The following IQGAP2 variants were observed in gnomAD, a reference collection of about 807,000 sequenced individuals.
The protein encoded by IQGAP2 is IQ motif containing GTPase activating protein 2.
In IQGAP2, 173 loss-of-function variants were observed where a neutral mutation model predicts 201.3. The observed-to-expected ratio is 0.86, with a 90% CI of 0.76 to 0.98. The LOEUF (loss-of-function observed/expected upper bound fraction) is 0.98, where lower values mean the gene tolerates loss of function less well. IQGAP2 is among the 50% of genes least tolerant of loss of function. The pLI is 0.00. For missense variants in IQGAP2, 1,687 were observed against 1,864.8 expected, an observed-to-expected ratio of 0.90 and a Z score of 1.76; for synonymous variants, 675 against 673.9, an observed-to-expected ratio of 1.00 and a Z score of -0.03.
chr5:76,694,610 A>T (rs931562185), intron 31 of IQGAP2, among the ~76,000 whole-genome samples: 3 of 152,210 alleles, frequency 2.0e-5, no homozygotes, highest in African/African-American at 7.2e-5. Flanking sequence ...AAGTGGGTAC[A>T]TCTGTATCTG....
At chr5:76,612,016 T>G (rs554977280) in intron 13 of IQGAP2, among the ~76,000 whole-genome samples, 1 of 152,210 alleles carries the variant, frequency 6.6e-6, no homozygotes. Flanking sequence ...ACATCCTTGG[T>G]TAATGCAAAC....
chr5:76,508,680 T>G (rs577610987), intron 2 of IQGAP2, among the ~76,000 whole-genome samples: 155 of 145,222 alleles, frequency 1.1e-3, no homozygotes, highest in African/African-American at 3.9e-3. Context: ...CTGTCTCTGG[T>G]TTTTTTTTTG....
intron 3 of IQGAP2, among the ~76,000 whole-genome samples, chr5:76,567,463 G>A (rs1027070055): frequency 4.6e-5 from 7 of 152,184 alleles, no homozygotes; most frequent in Admixed American, 3.9e-4. Context: ...AACAGTATCT[G>A]CCTTTGTGGA....
rs112565269 is a variant in IQGAP2 at position 76,697,922 on chromosome 5, C to G, written c.4207-65C>G. The G allele has an allele frequency of 8.9e-5, 114 of 1,277,748 alleles. 1 individual carries two copies. The highest frequency in any genetic ancestry group is 2.0e-4 in the Middle Eastern group (1 of 4,988). The allele number at this position is 1,277,748 out of a possible 1,614,324, so 79.2% of individuals were successfully genotyped here. On this transcript the variant is annotated intron_variant, in intron 32 of 35. Coordinates refer to ENST00000274364, the MANE Select transcript of IQGAP2 (RefSeq NM_006633.5). ...ACTACTGCTTGATATTCTTCTTGTC[C>G]CAAACTGGCAATATCATAAAGCAAA...
chr5:76,584,338 A>C (rs1413995494), intron 5 of IQGAP2, among the ~76,000 whole-genome samples: 1 of 152,230 alleles, frequency 6.6e-6, no homozygotes, highest in Non-Finnish European at 1.5e-5. Flanking sequence ...ACTTTTAAAA[A>C]ATACATTTGC....
chr5:76,409,545 C>T (rs537246087), intron 1 of IQGAP2, among the ~76,000 whole-genome samples: 5 of 152,198 alleles, frequency 3.3e-5, no homozygotes, highest in Admixed American at 3.3e-4. Context: ...CCATGCCCAG[C>T]CTTACATGGG....
At chr5:76,464,328 G>T (rs1033242249) in intron 2 of IQGAP2, among the ~76,000 whole-genome samples, 3 of 152,110 alleles carry the variant, frequency 2.0e-5, no homozygotes, top group Admixed American at 6.5e-5. Flanking sequence ...AAGATGAGAG[G>T]ATTTATTGCA....
intron 2 of IQGAP2, among the ~76,000 whole-genome samples, chr5:76,528,305 A>G (rs910288555): frequency 6.6e-6 from 1 of 152,138 alleles, no homozygotes; most frequent in Admixed American, 6.5e-5. Flanking sequence ...GTTATTTCAC[A>G]TATTACTTGT....
At chr5:76,520,498 C>T (rs1758607255) in intron 2 of IQGAP2, among the ~76,000 whole-genome samples, 1 of 152,070 alleles carries the variant, frequency 6.6e-6, no homozygotes, top group Non-Finnish European at 1.5e-5. Flanking sequence ...AGTATGAGTA[C>T]TCTAACTTTT....
chr5:76,651,556 T>C (rs899515225), intron 17 of IQGAP2, among the ~76,000 whole-genome samples: 11 of 150,776 alleles, frequency 7.3e-5, no homozygotes, highest in African/African-American at 2.2e-4. Context: ...TGAGCCATGA[T>C]TGAGCCACTG....
intron 17 of IQGAP2, among the ~76,000 whole-genome samples, chr5:76,643,196 T>C (rs529675890): frequency 6.3e-4 from 96 of 152,250 alleles, no homozygotes; most frequent in African/African-American, 2.2e-3. Context: ...ATGGACTTAA[T>C]GAAATAAGAA....
At chr5:76,550,892 C>G (rs1291182137) in intron 2 of IQGAP2, among the ~76,000 whole-genome samples, 2 of 152,134 alleles carry the variant, frequency 1.3e-5, no homozygotes, top group East Asian at 1.9e-4. Context: ...GGGTGGCGGC[C>G]GGGCAGAGGG....
intron 1 of IQGAP2, among the ~76,000 whole-genome samples, chr5:76,440,542 G>C (rs554596193): frequency 2.0e-5 from 3 of 152,170 alleles, no homozygotes; most frequent in Non-Finnish European, 2.9e-5. Context: ...ATTTATTTCT[G>C]TGTGTGATCT....
At chr5:76,454,744 A>C (rs1386346590) in intron 1 of IQGAP2, among the ~76,000 whole-genome samples, 1 of 150,410 alleles carries the variant, frequency 6.6e-6, no homozygotes, top group African/African-American at 2.5e-5. Context: ...ATAGTGCCGC[A>C]ATAAACATAC....
chr5:76,662,604 C>A (rs996941144), intron 21 of IQGAP2, among the ~76,000 whole-genome samples: 1 of 152,130 alleles, frequency 6.6e-6, no homozygotes, highest in Non-Finnish European at 1.5e-5. Context: ...GGGAGTTGAA[C>A]GATTTACATA....
At chr5:76,540,540 C>G (rs1171935369) in intron 2 of IQGAP2, among the ~76,000 whole-genome samples, 1 of 152,126 alleles carries the variant, frequency 6.6e-6, no homozygotes, top group East Asian at 1.9e-4. Flanking sequence ...TGGAAGCCAA[C>G]AACGGACTGG....
intron 30 of IQGAP2, among the ~76,000 whole-genome samples, chr5:76,689,414 G>A (rs1580827298): frequency 1.3e-5 from 2 of 152,158 alleles, no homozygotes; most frequent in South Asian, 4.2e-4. Context: ...GAAGGGCTAT[G>A]ATGATCACAT....
At chr5:76,478,361 A>G (rs1358491041) in intron 2 of IQGAP2, among the ~76,000 whole-genome samples, 5 of 152,232 alleles carry the variant, frequency 3.3e-5, no homozygotes, top group Admixed American at 1.3e-4. Context: ...AGATCGTGCC[A>G]CTGCACTTCA....
chr5:76,455,182 C>T (rs1203003556), intron 1 of IQGAP2, among the ~76,000 whole-genome samples: 5 of 152,088 alleles, frequency 3.3e-5, no homozygotes, highest in Non-Finnish European at 7.4e-5. Flanking sequence ...GATGCAGTGG[C>T]TCACACCTGT....
Sources: gnomAD v4.1 joint callset for allele counts (sites outside exome capture counted in the v4.1 genomes callset) on GRCh38, gnomAD v4.1.1 for gene constraint, MANE v1.5 for transcripts, NCBI Gene and HGNC (gene_info 2026-07-23, HGNC 2026-07-21) for gene names.